PSMA1: variants seen among roughly 807,000 people sequenced by gnomAD.
The protein encoded by PSMA1 is proteasome subunit alpha type-1.
PSMA1 carries 3 observed loss-of-function variants against 38.4 expected under a neutral mutation model. The observed-to-expected ratio is 0.08, with a 90% CI of 0.04 to 0.20. The LOEUF (loss-of-function observed/expected upper bound fraction) is 0.20. PSMA1 is among the 10% of genes least tolerant of loss of function. The pLI is 1.00. For missense variants in PSMA1, 227 were observed against 325.3 expected (o/e 0.70, Z 2.32); for synonymous variants, 101 against 107.1 (o/e 0.94, Z 0.35).
At chr11:14,564,458 G>C (rs1169666963) in intron 2 of PSMA1, among the ~76,000 whole-genome samples, 1 of 152,090 alleles carries the variant, frequency 6.6e-6, no homozygotes, top group Non-Finnish European at 1.5e-5. Context: ...AGTATATCTG[G>C]ATTGCTTCCA....
chr11:14,511,640 T>C (rs1040594223), intron 7 of PSMA1, among the ~76,000 whole-genome samples: 6 of 152,108 alleles, frequency 3.9e-5, no homozygotes, highest in Non-Finnish European at 8.8e-5. Flanking sequence ...AAACTAGTAA[T>C]TGAAAGGAAC....
At chr11:14,564,412 T>C (rs1265971869) in intron 2 of PSMA1, among the ~76,000 whole-genome samples, 2 of 152,234 alleles carry the variant, frequency 1.3e-5, no homozygotes, top group African/African-American at 2.4e-5. Context: ...TTCCACAATA[T>C]AGATGTACTC....
chr11:14,519,932 C>G (rs1463294530), intron 1 of PSMA1: 2 of 262,740 alleles, frequency 7.6e-6, no homozygotes, highest in African/African-American at 4.4e-5. Context: ...ACTGGTGGTA[C>G]AGGTAGGCCT....
intron 8 of PSMA1, among the ~76,000 whole-genome samples, chr11:14,510,022 C>T (rs1476792062): frequency 2.0e-5 from 3 of 152,216 alleles, no homozygotes. Context: ...CGCGCCCAGC[C>T]TCAATCTGTC....
At chr11:14,532,631 A>C (rs1851660110) in intron 2 of PSMA1, among the ~76,000 whole-genome samples, 1 of 146,168 alleles carries the variant, frequency 6.8e-6, no homozygotes, top group Non-Finnish European at 1.5e-5. Flanking sequence ...GGGGATATAC[A>C]TTGAAGATTT....
chr11:14,639,797 G>A (rs914393553), intron 1 of PSMA1, among the ~76,000 whole-genome samples: 1 of 152,036 alleles, frequency 6.6e-6, no homozygotes, highest in African/African-American at 2.4e-5. Flanking sequence ...ACTTTACTTA[G>A]GTAACTTATA....
chr11:14,612,322 CTCA>C (rs2134199157), intron 1 of PSMA1, among the ~76,000 whole-genome samples: 1 of 152,280 alleles, frequency 6.6e-6, no homozygotes, highest in South Asian at 2.1e-4. Flanking sequence ...ACACACAATT[CTCA>C]TAAGATGTTG....
At chr11:14,512,367 C>A (rs192688221) in intron 7 of PSMA1, among the ~76,000 whole-genome samples, 2 of 151,622 alleles carry the variant, frequency 1.3e-5, no homozygotes, top group African/African-American at 4.8e-5. Flanking sequence ...ACAGTGAAAC[C>A]CCGTCTCAGG....
At chr11:14,540,224 G>A (rs1221490810) in intron 2 of PSMA1, among the ~76,000 whole-genome samples, 1 of 152,140 alleles carries the variant, frequency 6.6e-6, no homozygotes, top group Admixed American at 6.5e-5. Flanking sequence ...GTTGCCTTCT[G>A]TGGGTGACCT....
chr11:14,591,661 C>T (rs376164078), intron 2 of PSMA1, among the ~76,000 whole-genome samples: 38 of 152,206 alleles, frequency 2.5e-4, no homozygotes, highest in African/African-American at 7.7e-4. Context: ...TCTGGGGCCT[C>T]GGAGAACCTG....
At chr11:14,613,090 T>C (rs1348833532) in intron 1 of PSMA1, among the ~76,000 whole-genome samples, 1 of 152,096 alleles carries the variant, frequency 6.6e-6, no homozygotes, top group African/African-American at 2.4e-5. Flanking sequence ...TAAAGTTATT[T>C]TGAATAGAGG....
chr11:14,572,637 T>C (rs1852159517), intron 2 of PSMA1, among the ~76,000 whole-genome samples: 1 of 152,142 alleles, frequency 6.6e-6, no homozygotes, highest in African/African-American at 2.4e-5. Flanking sequence ...ATTCAAAAGC[T>C]AGCAGAAGGC....
chr11:14,536,019 T>TATATAAG (rs1410020644), intron 2 of PSMA1, among the ~76,000 whole-genome samples: 1 of 152,142 alleles, frequency 6.6e-6, no homozygotes, highest in Non-Finnish European at 1.5e-5. Flanking sequence ...GTAGGGCTTT[T>TATATAAG]ATATAAGAGC....
chr11:14,594,632 C>T (rs2134190173), intron 2 of PSMA1, among the ~76,000 whole-genome samples: 1 of 152,144 alleles, frequency 6.6e-6, no homozygotes, highest in Non-Finnish European at 1.5e-5. Flanking sequence ...ATATATTGAC[C>T]ATAATACAAC....
intron 9 of PSMA1, among the ~76,000 whole-genome samples, chr11:14,506,497 T>C (rs1014090647): frequency 1.3e-5 from 2 of 152,104 alleles, no homozygotes; most frequent in African/African-American, 4.8e-5. Context: ...ATTTCCATAC[T>C]AGATTCTTTT....
At chr11:14,632,301 G>GT (rs1853030287) in intron 1 of PSMA1, among the ~76,000 whole-genome samples, 1 of 149,468 alleles carries the variant, frequency 6.7e-6, no homozygotes. Context: ...GCAGTGGCTG[G>GT]TACCGGTTGT....
At chr11:14,579,361 A>G (rs1852255553) in intron 2 of PSMA1, among the ~76,000 whole-genome samples, 1 of 151,640 alleles carries the variant, frequency 6.6e-6, no homozygotes, top group South Asian at 2.1e-4. Context: ...TCATCTTCAT[A>G]TGGCCTTTCC....
intron 2 of PSMA1, among the ~76,000 whole-genome samples, chr11:14,576,102 G>A (rs536967519): frequency 1.3e-5 from 2 of 152,098 alleles, no homozygotes; most frequent in East Asian, 3.9e-4. Flanking sequence ...CTTTTTGATG[G>A]GGTTGTTTGA....
In PSMA1 at chr11:14,534,278, A is replaced by T. The variant is rs1341829035; in HGVS notation, c.22-15237T>A. 6.6e-6 allele frequency among the ~76,000 whole-genome samples: 1 copy of T among 152,208 alleles called. No individual in the cohort carries two copies. The highest frequency in any genetic ancestry group is 1.5e-5 in the Non-Finnish European group (1 of 68,036). On this transcript the variant is annotated intron_variant, in intron 2 of 10. Transcript: ENST00000418988. This position sits in a 1 kb window ranked among gnomAD's most constrained non-coding sequence, Gnocchi z 4.5. ...AAAAATTTGTATCAAATTATATATG[A>T]TTCTTTTTAAACCTGCTTTTCTATG...
Sources: allele counts gnomAD v4.1 joint callset (sites outside exome capture counted in the v4.1 genomes callset), GRCh38; gene constraint gnomAD v4.1.1; non-coding constraint Gnocchi (gnomAD v3.1); transcripts MANE v1.5; gene names NCBI Gene and HGNC (gene_info 2026-07-23, HGNC 2026-07-21).